PHACTR1: variants seen among roughly 807,000 people sequenced by gnomAD.
The protein encoded by PHACTR1 is phosphatase and actin regulator 1, also known as RPEL repeat containing 1.
Under a neutral mutation model 69.2 loss-of-function variants are expected in PHACTR1, and 16 were observed. That is an observed-to-expected ratio of 0.23 (90% CI 0.16 to 0.35). The LOEUF is 0.35. PHACTR1 is among the 10% of genes least tolerant of loss of function. PHACTR1 has a pLI of 1.00. For synonymous variants in PHACTR1, 312 were observed against 284.5 expected, an observed-to-expected ratio of 1.10 and a Z score of -0.97; for missense variants, 510 against 734.7, an observed-to-expected ratio of 0.69 and a Z score of 3.54.
intron 4 of PHACTR1, among the ~76,000 whole-genome samples, chr6:12,990,746 TG>T (rs1206910922): frequency 6.6e-6 from 1 of 152,194 alleles, no homozygotes; most frequent in Non-Finnish European, 1.5e-5. Flanking sequence ...TCACATGAAC[TG>T]TTTGAAAGGT....
At chr6:13,060,526 AGG>A (rs2127750598) in intron 5 of PHACTR1, among the ~76,000 whole-genome samples, 1 of 152,272 alleles carries the variant, frequency 6.6e-6, no homozygotes, top group South Asian at 2.1e-4. Flanking sequence ...AGATAGGGGA[AGG>A]GTGCTGAGAA....
chr6:13,258,077 G>A (rs918530600), intron 10 of PHACTR1, among the ~76,000 whole-genome samples: 4 of 152,142 alleles, frequency 2.6e-5, no homozygotes, highest in Non-Finnish European at 4.4e-5. Context: ...AATACAACAG[G>A]CTGGGAGCAG....
intron 5 of PHACTR1, among the ~76,000 whole-genome samples, chr6:13,091,952 C>T (rs1015124020): frequency 1.3e-5 from 2 of 152,140 alleles, no homozygotes; most frequent in African/African-American, 4.8e-5. Flanking sequence ...CGCATATGAC[C>T]ACGCCTGGCT....
intron 4 of PHACTR1, among the ~76,000 whole-genome samples, chr6:12,820,027 G>C (rs1430960018): frequency 1.3e-5 from 2 of 152,176 alleles, no homozygotes; most frequent in African/African-American, 4.8e-5. Flanking sequence ...CTTGATTCAA[G>C]CATGGGAGAG....
At chr6:12,723,449 C>T (rs1197925440) in intron 3 of PHACTR1, among the ~76,000 whole-genome samples, 1 of 151,326 alleles carries the variant, frequency 6.6e-6, no homozygotes, top group African/African-American at 2.4e-5. Flanking sequence ...ATTCAGTGCA[C>T]ATTACAAACA....
At chr6:13,055,837 T>G (rs1442570372) in intron 5 of PHACTR1, among the ~76,000 whole-genome samples, 1 of 152,244 alleles carries the variant, frequency 6.6e-6, no homozygotes, top group Non-Finnish European at 1.5e-5. Context: ...TTCAAAAATT[T>G]TGTTTTAAGC....
At chr6:13,059,665 TA>T (rs1203301525) in intron 5 of PHACTR1, among the ~76,000 whole-genome samples, 1 of 152,114 alleles carries the variant, frequency 6.6e-6, no homozygotes, top group Non-Finnish European at 1.5e-5. Context: ...ATTTTTAAAA[TA>T]AAAAAATGGT....
intron 4 of PHACTR1, among the ~76,000 whole-genome samples, chr6:12,992,374 G>C (rs1796916863): frequency 6.6e-6 from 1 of 152,146 alleles, no homozygotes; most frequent in Non-Finnish European, 1.5e-5. Context: ...TGCTATTCTT[G>C]GCTCTTAATA....
At chr6:12,792,626 A>G (rs1419711672) in intron 4 of PHACTR1, among the ~76,000 whole-genome samples, 1 of 152,088 alleles carries the variant, frequency 6.6e-6, no homozygotes, top group Non-Finnish European at 1.5e-5. Context: ...CGAAAATTTC[A>G]GTGCTATTTG....
chr6:13,053,616 T>C, intron 5 of PHACTR1, 87 bp downstream of exon 5: 1 of 1,446,698 alleles, frequency 6.9e-7, no homozygotes, highest in South Asian at 1.4e-5. Context: ...CAATAGGCTG[T>C]TTGAACCAAA....
intron 4 of PHACTR1, among the ~76,000 whole-genome samples, chr6:12,774,844 G>A (rs1184179444): frequency 6.6e-6 from 1 of 152,210 alleles, no homozygotes; most frequent in East Asian, 1.9e-4. Context: ...AGAGGTGCGG[G>A]CCTTGGTGCC....
chr6:13,283,551 G>C lies in PHACTR1; in HGVS notation c.1639G>C (p.Ala547Pro). ...RADKPWTRLT[A>P]ADKAAIRKEL... ...AGATAAGCCGTGGACCCGCCTCACC[G>C]CTGCAGACAAAGTAAGCAGAGGGGA... The change falls in exon 13 of 15, where the codon GCT (alanine) becomes CCT (proline). Residue 547 changes from alanine (A) to proline (P), a missense_variant. Transcript: ENST00000332995. The surrounding 1 kb of genome is among the most constrained non-coding windows in gnomAD (Gnocchi z 4.7). The C allele has an allele frequency of 6.2e-7, 1 of 1,613,802 alleles. No homozygotes were observed. The highest frequency in any genetic ancestry group is 2.2e-5 in the East Asian group (1 of 44,884).
intron 8 of PHACTR1, among the ~76,000 whole-genome samples, chr6:13,216,423 T>C (rs1318499831): frequency 1.3e-5 from 2 of 152,256 alleles, no homozygotes; most frequent in Admixed American, 1.3e-4. Context: ...TACACAGATA[T>C]GAATCAGTGC....
At chr6:13,178,614 G>A (rs1157883776) in intron 6 of PHACTR1, among the ~76,000 whole-genome samples, 3 of 152,194 alleles carry the variant, frequency 2.0e-5, no homozygotes, top group Non-Finnish European at 4.4e-5. Flanking sequence ...GAGAACCACT[G>A]TCTTAACCCA....
Position 12,965,051 on chromosome 6 carries a change from C to T in PHACTR1, c.251-88314C>T, listed in dbSNP as rs189926770. Among the ~76,000 whole-genome samples, 1,005 of 152,298 alleles carry T rather than the reference C, an allele frequency of 6.6e-3. 13 individuals carry two copies. The highest frequency in any genetic ancestry group is 0.023 in the African/African-American group (947 of 41,558). ...CATATAATCTATGTACATCCTCACACACAGTTTAAATCATCTCTAGCTTAC... is the reference window on the plus strand; with the variant it reads ...CATATAATCTATGTACATCCTCACATACAGTTTAAATCATCTCTAGCTTAC... On this transcript the variant is annotated intron_variant, in intron 4 of 14. Transcript: ENST00000332995.
At chr6:13,049,534 G>C (rs1805606221) in intron 4 of PHACTR1, among the ~76,000 whole-genome samples, 1 of 152,164 alleles carries the variant, frequency 6.6e-6, no homozygotes. Flanking sequence ...GTCTTAGGCT[G>C]TTTTGAGAAT....
chr6:12,941,124 A>G (rs1001820485), intron 4 of PHACTR1, among the ~76,000 whole-genome samples: 2 of 152,166 alleles, frequency 1.3e-5, no homozygotes, highest in Non-Finnish European at 2.9e-5. Flanking sequence ...CTCAGGGTCA[A>G]GGGCACTCCA....
intron 4 of PHACTR1, among the ~76,000 whole-genome samples, chr6:12,845,561 G>A (rs1052938149): frequency 1.6e-4 from 25 of 151,914 alleles, no homozygotes; most frequent in Admixed American, 1.2e-3. Flanking sequence ...CACCGAGACA[G>A]TCTAATGTGC....
intron 12 of PHACTR1, chr6:13,279,676 T>C (rs1424208483): frequency 6.6e-6 from 1 of 152,236 alleles, no homozygotes; most frequent in East Asian, 1.9e-4. Context: ...CTGGCTGGGG[T>C]CACCCTGGTG....
Sources: gnomAD v4.1 joint callset for allele counts (sites outside exome capture counted in the v4.1 genomes callset) on GRCh38, gnomAD v4.1.1 for gene constraint, Gnocchi (gnomAD v3.1) non-coding constraint, MANE v1.5 for transcripts, NCBI Gene and HGNC (gene_info 2026-07-23, HGNC 2026-07-21) for gene names.